The following SHANK2 variants were observed in gnomAD, a reference collection of about 807,000 sequenced individuals.
The protein encoded by SHANK2 is SH3 and multiple ankyrin repeat domains 2.
A neutral mutation model predicts 133.7 loss-of-function variants in SHANK2; 43 were observed. The ratio of observed to expected loss-of-function variants is 0.32; its 90% CI spans 0.25 to 0.41. The LOEUF is 0.41. SHANK2 is among the 10% of genes least tolerant of loss of function. SHANK2 has a pLI of 1.00. For missense variants in SHANK2, 1,994 were observed against 2,235.8 expected (o/e 0.89, Z 2.18); for synonymous variants, 1,017 against 952.8 (o/e 1.07, Z -1.24).
chr11:70,759,816 A>T lies in SHANK2; in HGVS notation c.1777+38627T>A, dbSNP rs376283429. Among the ~76,000 whole-genome samples the T allele has an allele frequency of 3.3e-5, 5 of 152,362 alleles. No individual in the cohort carries two copies. In the East Asian group the frequency reaches 5.8e-4, roughly 18 times the overall value. ...ATTAAAACCATTGCAGCTCCACCAG[A>T]TGCTGATAACAGACCCCATGCCAGC... is the stretch of plus-strand genomic sequence containing the variant. On this transcript the variant is annotated intron_variant, in intron 14 of 25. Coordinates refer to ENST00000601538, the MANE Select transcript of SHANK2 (RefSeq NM_012309.5).
chr11:71,064,648 G>T lies in SHANK2; in HGVS notation c.1030-8090C>A, dbSNP rs949029309. ...AGAGACAGCAGGGCCCCAGGCAAGG[G>T]TGAGAAGGGTGGTGGGGACAAGAGG... On this transcript the variant is annotated intron_variant, in intron 9 of 25. Coordinates refer to ENST00000601538, the MANE Select transcript of SHANK2 (RefSeq NM_012309.5). Among the ~76,000 whole-genome samples the T allele has an allele frequency of 3.0e-4, 45 of 151,934 alleles. No individual in the cohort carries two copies. In the East Asian group the frequency reaches 8.5e-3, roughly 29 times the overall value.
intron 10 of SHANK2, among the ~76,000 whole-genome samples, chr11:70,914,668 T>TAAATAAAATAAAATAAAATA (rs370532876): frequency 0.14 from 14,510 of 107,054 alleles, 1,382 homozygotes; most frequent in East Asian, 0.2. Context: ...ACAAAAAAAA[T>TAAATAAAATAAAATAAAATA]AAATAAAATA....
intron 11 of SHANK2, among the ~76,000 whole-genome samples, chr11:70,827,040 A>T (rs1400582151): frequency 2.0e-5 from 3 of 152,220 alleles, no homozygotes; most frequent in African/African-American, 4.8e-5. Context: ...GTCAGCTAGC[A>T]GATGTGGTAA....
intron 17 of SHANK2, among the ~76,000 whole-genome samples, chr11:70,534,237 CA>C (rs1284625250): frequency 6.6e-6 from 1 of 152,190 alleles, no homozygotes; most frequent in East Asian, 1.9e-4. Context: ...GAAGGGGAAG[CA>C]AACACGTCCT....
rs373168222 is a variant in SHANK2, at chr11:70,707,672, C to A, written c.1778-8909G>T. Among the ~76,000 whole-genome samples, 29 of 152,306 alleles carry A rather than the reference C, an allele frequency of 1.9e-4. 1 individual carries two copies. The highest frequency in any genetic ancestry group is 3.4e-3 in the Middle Eastern group (1 of 294). On this transcript the variant is annotated intron_variant, in intron 14 of 25. Transcript: ENST00000601538. The stretch of plus-strand genomic sequence containing the variant: ...TGGGCCAAGAGCAGAGTTTACAGGG[C>A]TGCACTGAGGACAAGATGAATGCAC...
At chr11:71,080,910 G>A (rs975427311) in intron 8 of SHANK2, among the ~76,000 whole-genome samples, 49 of 152,326 alleles carry the variant, frequency 3.2e-4, no homozygotes, top group Non-Finnish European at 6.0e-4. Context: ...GGCAGCGGAC[G>A]GGCTGTGATG....
At position 70,686,203 on chromosome 11, in the gene SHANK2, T is replaced by TATCC. The variant is rs781907518; in HGVS notation, c.1853+12481_1853+12484dup. ...CCATCTACTCATCCACCCATCCATC[T>TATCC]ATCCATCCATCCATCCATCCATCCA... On this transcript the variant is annotated intron_variant, in intron 15 of 25. Transcript: ENST00000601538. Among the ~76,000 whole-genome samples the TATCC allele has an allele frequency of 5.8e-3, 587 of 101,726 alleles. 11 individuals are homozygous for TATCC. Among genetic ancestry groups the TATCC allele is most frequent in the East Asian group, 0.028 (81 of 2,930 alleles). The allele number at this position is 101,726 out of a possible 152,430, so 66.7% of individuals were successfully genotyped here.
intron 15 of SHANK2, among the ~76,000 whole-genome samples, chr11:70,687,409 G>A (rs921879265): frequency 3.3e-5 from 5 of 152,240 alleles, no homozygotes; most frequent in Non-Finnish European, 7.3e-5. Flanking sequence ...GGGATGAGCC[G>A]AAGCTGGCTC....
intron 10 of SHANK2, among the ~76,000 whole-genome samples, chr11:70,924,506 G>A (rs1950399399): frequency 6.6e-6 from 1 of 151,810 alleles, no homozygotes. Flanking sequence ...ACCCTGGTTG[G>A]AGTGCAGTGG....
At chr11:70,623,179 CAAAAAAAAAAAA>C (rs1344924495) in intron 17 of SHANK2, among the ~76,000 whole-genome samples, 1 of 145,794 alleles carries the variant, frequency 6.9e-6, no homozygotes, top group East Asian at 2.0e-4. Flanking sequence ...TCGTCTCAAT[CAAAAAAAAAAAA>C]AATTCCTCTC....
rs537740444 is a variant in SHANK2 at position 70,612,304 on chromosome 11, C to T, written c.2061+47524G>A. ...GGGAAACGCAGAGGGGAAAGGAAGC[C>T]TACCTGTAGCCCCCATCTCTGACAG... On this transcript the variant is annotated intron_variant, in intron 17 of 25. Coordinates refer to ENST00000601538, the MANE Select transcript of SHANK2 (RefSeq NM_012309.5). Among the ~76,000 whole-genome samples, 5 of 152,272 alleles carry T rather than the reference C, an allele frequency of 3.3e-5. No individual in the cohort carries two copies. The East Asian group carries it at 9.7e-4, about 29-fold the overall frequency.
chr11:70,508,975 T>C (rs2059166775), intron 17 of SHANK2, among the ~76,000 whole-genome samples: 3 of 152,162 alleles, frequency 2.0e-5, no homozygotes, highest in Admixed American at 2.0e-4. Context: ...GGTGATGCTT[T>C]GAGATGCTAA....
At chr11:70,502,736 C>CGG in intron 18 of SHANK2, 60 bp downstream of exon 18, 3 of 462,550 alleles carry the variant, frequency 6.5e-6, no homozygotes, top group Non-Finnish European at 1.0e-5. Flanking sequence ...GTCCTGCCCG[C>CGG]CCCCACCCCC....
intron 17 of SHANK2, among the ~76,000 whole-genome samples, chr11:70,605,127 C>A (rs988419944): frequency 2.6e-5 from 4 of 152,206 alleles, no homozygotes; most frequent in Non-Finnish European, 5.9e-5. Context: ...AGGGCTTGAG[C>A]CTGGGATGGC....
At chr11:71,153,072 T>C (rs1194287718) in intron 2 of SHANK2, among the ~76,000 whole-genome samples, 1 of 152,180 alleles carries the variant, frequency 6.6e-6, no homozygotes, top group Non-Finnish European at 1.5e-5. Flanking sequence ...CTGCGTTTTA[T>C]CTGGCAACAC....
At chr11:70,595,224 C>G (rs1383281677) in intron 17 of SHANK2, among the ~76,000 whole-genome samples, 1 of 152,162 alleles carries the variant, frequency 6.6e-6, no homozygotes, top group African/African-American at 2.4e-5. Context: ...CAGCTTTGGC[C>G]AGGAGGGCAG....
chr11:70,633,830 C>T (rs1378673064), intron 17 of SHANK2: 1 of 152,238 alleles, frequency 6.6e-6, no homozygotes, highest in Non-Finnish European at 1.5e-5. Context: ...GGGTGTGAAG[C>T]TCACAGCACC....
At chr11:70,543,422 G>C (rs1281603671) in intron 17 of SHANK2, among the ~76,000 whole-genome samples, 1 of 152,182 alleles carries the variant, frequency 6.6e-6, no homozygotes, top group Non-Finnish European at 1.5e-5. Flanking sequence ...GGAGGAGAGA[G>C]AGAGGCTGAA....
chr11:70,558,954 CACGCCTCTTAATA>C (rs2059870026), intron 17 of SHANK2, among the ~76,000 whole-genome samples: 1 of 152,224 alleles, frequency 6.6e-6, no homozygotes, highest in African/African-American at 2.4e-5. Flanking sequence ...TGTGCACACA[CACGCCTCTTAATA>C]ACGATTTCCT....
Sources: gnomAD v4.1 joint callset for allele counts (sites outside exome capture counted in the v4.1 genomes callset) on GRCh38, gnomAD v4.1.1 for gene constraint, MANE v1.5 for transcripts, NCBI Gene and HGNC (gene_info 2026-07-23, HGNC 2026-07-21) for gene names.